The following NFAT5 variants were observed in gnomAD, a reference collection of about 807,000 sequenced individuals.
The protein encoded by NFAT5 is nuclear factor of activated T-cells 5.
In NFAT5, 31 loss-of-function variants were observed where a neutral mutation model predicts 166.5. The observed-to-expected ratio is 0.19, with a 90% CI of 0.14 to 0.25. The LOEUF (loss-of-function observed/expected upper bound fraction) is 0.25. Among genes scored for constraint, NFAT5 ranks in the 10% least tolerant of loss-of-function variants. The pLI is 1.00. For missense variants in NFAT5, 1,449 were observed against 1,821.8 expected (o/e 0.80, Z 3.72); for synonymous variants, 612 against 639.7 (o/e 0.96, Z 0.65).
intron 13 of NFAT5, among the ~76,000 whole-genome samples, 161 bp from the exon 14 acceptor site, chr16:69,694,975 G>A (rs2151725978): frequency 6.6e-6 from 1 of 152,300 alleles, no homozygotes; most frequent in South Asian, 2.1e-4. Flanking sequence ...ACTATCAGGT[G>A]CCTAACTTTT....
Position 69,692,654 on chromosome 16 carries a change from C to T in NFAT5, c.2829C>T (p.Asn943=). Residue 943 remains asparagine, a synonymous_variant, in exon 13 of 15, where the codon AAC becomes AAT. Transcript: ENST00000349945. Reference sequence around the variant, plus strand: ...CTTCAACTGCTTCAGCAAATGGAAACCTTCAGCAATCGCCAGTTTACCAGC... The same window carrying T: ...CTTCAACTGCTTCAGCAAATGGAAATCTTCAGCAATCGCCAGTTTACCAGC... ...LFPSTASANG[N]LQQSPVYQQT... is the part of the protein sequence containing the mutation. 3.1e-6 allele frequency: 5 copies of T among 1,614,222 alleles called. No homozygotes were observed. The highest frequency in any genetic ancestry group is 1.3e-5 in the African/African-American group (1 of 75,068).
intron 2 of NFAT5, among the ~76,000 whole-genome samples, chr16:69,573,130 C>T (rs1235730821): frequency 6.6e-6 from 1 of 152,210 alleles, no homozygotes; most frequent in East Asian, 1.9e-4. Context: ...GCATGTGCCA[C>T]CGCATCCGGC....
In NFAT5 at chr16:69,698,968, GT is replaced by G. The variant is rs1277537978; in HGVS notation, c.*2619del. 1 of 152,542 alleles carries G rather than the reference GT, an allele frequency of 6.6e-6. No homozygotes were observed. 9.4% of individuals were successfully genotyped at this position (152,542 alleles called of 1,614,324 possible). Reference sequence around the variant, plus strand: ...GGAAAAATTACCCAGTATAGTTCAGGTTATGAGGAGGATCAGCCACACAATC... The same window carrying G: ...GGAAAAATTACCCAGTATAGTTCAGGTATGAGGAGGATCAGCCACACAATC... On this transcript the variant is annotated 3_prime_UTR_variant, in exon 15 of 15. Coordinates refer to ENST00000349945, the MANE Select transcript of NFAT5 (RefSeq NM_138713.4).
chr16:69,666,990 C>T (rs1446777621), intron 7 of NFAT5, among the ~76,000 whole-genome samples: 7 of 150,136 alleles, frequency 4.7e-5, no homozygotes, highest in Non-Finnish European at 1.0e-4. Context: ...TACTATGCAG[C>T]CATAAAAAAT....
intron 9 of NFAT5, among the ~76,000 whole-genome samples, chr16:69,675,538 CAT>C (rs1003185794): frequency 5.8e-4 from 88 of 152,340 alleles, no homozygotes; most frequent in South Asian, 2.1e-3. Flanking sequence ...CATATTTGTA[CAT>C]GTTTTTCCAC....
At chr16:69,649,159 G>T (rs2035568837) in intron 4 of NFAT5, 3 of 933,922 alleles carry the variant, frequency 3.2e-6, no homozygotes, top group Non-Finnish European at 3.8e-6. Context: ...GAAATGTAAT[G>T]AATACAGCAG....
intron 2 of NFAT5, among the ~76,000 whole-genome samples, chr16:69,570,893 C>G (rs1312790682): frequency 1.3e-5 from 2 of 152,004 alleles, no homozygotes; most frequent in East Asian, 1.9e-4. Flanking sequence ...GTGCCTCATC[C>G]TAGGTTTTTG....
chr16:69,599,160 G>C (rs963458757), intron 2 of NFAT5, among the ~76,000 whole-genome samples: 8 of 152,112 alleles, frequency 5.3e-5, no homozygotes, highest in African/African-American at 1.9e-4. Flanking sequence ...TTTTTGAGGT[G>C]ATGAAAATGT....
At chr16:69,576,960 C>T (rs778527056) in intron 2 of NFAT5, among the ~76,000 whole-genome samples, 8 of 152,126 alleles carry the variant, frequency 5.3e-5, no homozygotes, top group Non-Finnish European at 1.2e-4. Flanking sequence ...TGCCATTGTT[C>T]CCTATTTCTG....
In NFAT5 at chr16:69,618,285, A is replaced by G. The variant is rs145444453; in HGVS notation, c.128-8118A>G. Among the ~76,000 whole-genome samples, 1,456 of 152,346 alleles carry G rather than the reference A, an allele frequency of 9.6e-3. 8 individuals carry two copies. Among genetic ancestry groups the G allele is most frequent in the Non-Finnish European group, 0.016 (1,114 of 68,034 alleles). On this transcript the variant is annotated intron_variant, in intron 2 of 14. Transcript: ENST00000349945. ...ACTAGATTGTTTTAGGAAAACAGTA[A>G]TTAAATACAGCCTGGCAGAAGTGCT...
intron 6 of NFAT5, among the ~76,000 whole-genome samples, chr16:69,656,361 AC>A (rs2151638186): frequency 6.6e-6 from 1 of 151,584 alleles, no homozygotes; most frequent in Admixed American, 6.6e-5. Context: ...CCAAAGACTT[AC>A]TTTTTTGGGT....
chr16:69,670,345 T>A (rs1164400809), intron 9 of NFAT5, 57 bp downstream of exon 9: 5 of 1,100,834 alleles, frequency 4.5e-6, no homozygotes, highest in Non-Finnish European at 6.6e-6. Flanking sequence ...AATTCAGTTT[T>A]GTTTTGAAAT....
chr16:69,682,138 G>C (rs2037087965), intron 10 of NFAT5, among the ~76,000 whole-genome samples: 1 of 150,488 alleles, frequency 6.6e-6, no homozygotes. Context: ...TAAAACCTTT[G>C]TATTATTGAT....
At chr16:69,648,730 T>C in intron 4 of NFAT5, 1 of 975,654 alleles carries the variant, frequency 1.0e-6, no homozygotes, top group Non-Finnish European at 1.2e-6. Context: ...AATTTAACTC[T>C]CTAGGACCCA....
At chr16:69,667,088 T>C (rs1381185327) in intron 7 of NFAT5, among the ~76,000 whole-genome samples, 3 of 146,780 alleles carry the variant, frequency 2.0e-5, no homozygotes, top group East Asian at 2.0e-4. Context: ...AACCAAACAC[T>C]GCATATTCTC....
At chr16:69,620,977 T>TAA (rs2151571577) in intron 2 of NFAT5, among the ~76,000 whole-genome samples, 1 of 152,372 alleles carries the variant, frequency 6.6e-6, no homozygotes, top group East Asian at 1.9e-4. Context: ...AGTCATCTAT[T>TAA]TTATTAAGTC....
chr16:69,579,419 A>G (rs2031521999), intron 2 of NFAT5, among the ~76,000 whole-genome samples: 1 of 152,188 alleles, frequency 6.6e-6, no homozygotes, highest in Non-Finnish European at 1.5e-5. Flanking sequence ...GATACTTTGG[A>G]TAAAATGACT....
intron 3 of NFAT5, chr16:69,644,958 A>G: frequency 3.0e-6 from 1 of 333,730 alleles, no homozygotes; most frequent in Non-Finnish European, 5.9e-6. Context: ...TATGCTGCAT[A>G]CTTGTATTTC....
At chr16:69,658,580 C>A (rs966091901) in intron 6 of NFAT5, among the ~76,000 whole-genome samples, 8 of 152,030 alleles carry the variant, frequency 5.3e-5, no homozygotes, top group African/African-American at 1.9e-4. Context: ...CTTGTAATCC[C>A]AACACTGGGA....
Sources: gnomAD v4.1 joint callset for allele counts (sites outside exome capture counted in the v4.1 genomes callset) on GRCh38, gnomAD v4.1.1 for gene constraint, MANE v1.5 for transcripts, NCBI Gene and HGNC (gene_info 2026-07-23, HGNC 2026-07-21) for gene names.